The following COL21A1 variants were observed in gnomAD, a reference collection of about 807,000 sequenced individuals.
COL21A1 encodes the protein collagen alpha-1(XXI) chain.
Under a neutral mutation model 137.9 loss-of-function variants are expected in COL21A1, and 149 were observed. The ratio of observed to expected loss-of-function variants is 1.08; its 90% confidence interval spans 0.95 to 1.24. The LOEUF is 1.24. Among genes scored for constraint, COL21A1 ranks in the 50% most tolerant of loss-of-function variants. COL21A1 has a pLI of 0.00. For synonymous variants in COL21A1, 456 were observed against 391.5 expected, an observed-to-expected ratio of 1.16 and a Z score of -1.95; for missense variants, 1,167 against 1,158.4, an observed-to-expected ratio of 1.01 and a Z score of -0.11.
chr6:56,107,871 A>G (rs1013808954), intron 16 of COL21A1, among the ~76,000 whole-genome samples: 10 of 152,150 alleles, frequency 6.6e-5, no homozygotes, highest in African/African-American at 2.4e-4. Context: ...TGAAACAAAG[A>G]TAAAGTGTAA....
chr6:56,311,119 C>T (rs975957678), intron 1 of COL21A1, among the ~76,000 whole-genome samples: 3 of 152,172 alleles, frequency 2.0e-5, no homozygotes, highest in African/African-American at 7.2e-5. Flanking sequence ...TTTCAAAACT[C>T]TTAATATTAG....
chr6:56,302,785 T>C (rs1409680066), intron 1 of COL21A1, among the ~76,000 whole-genome samples: 9 of 151,836 alleles, frequency 5.9e-5, no homozygotes, highest in East Asian at 1.9e-4. Flanking sequence ...TTTGGTGTTT[T>C]AGACATGAAG....
rs71783697 is a variant in COL21A1, at chr6:56,255,334, GGTGTGTGTGTGT to G, written c.-38-72690_-38-72679del. Reference sequence around the variant, plus strand: ...CTAGAGTGATCACTGTTGTTAAGAGGGTGTGTGTGTGTGTGTGTGTGTGTGTGTGTGTGTGTG... The same window carrying G: ...CTAGAGTGATCACTGTTGTTAAGAGGGTGTGTGTGTGTGTGTGTGTGTGTG... On this transcript the variant is annotated intron_variant, in intron 1 of 28. Transcript: ENST00000370819. 8.2e-3 allele frequency among the ~76,000 whole-genome samples: 1,194 copies of G among 145,590 alleles called. 16 individuals are homozygous for G. The highest frequency in any genetic ancestry group is 0.028 in the African/African-American group (1,080 of 38,976).
At chr6:56,098,841 G>A (rs78072505) in intron 17 of COL21A1, among the ~76,000 whole-genome samples, 21,288 of 143,542 alleles carry the variant, frequency 0.15, 1,679 homozygotes, top group Middle Eastern at 0.22. Flanking sequence ...TCAGCCTCCC[G>A]AGTAGCTGGG....
At chr6:56,197,733 A>T (rs1240755944) in intron 1 of COL21A1, among the ~76,000 whole-genome samples, 1 of 152,120 alleles carries the variant, frequency 6.6e-6, no homozygotes, top group Non-Finnish European at 1.5e-5. Flanking sequence ...AGAAAAGGGA[A>T]CACTTGTACA....
At chr6:56,322,966 A>C (rs1462956723) in intron 1 of COL21A1, among the ~76,000 whole-genome samples, 1 of 151,918 alleles carries the variant, frequency 6.6e-6, no homozygotes, top group African/African-American at 2.4e-5. Context: ...GAGCTAAGTA[A>C]TGTGTACACA....
intron 1 of COL21A1, among the ~76,000 whole-genome samples, chr6:56,278,740 A>G (rs1179389725): frequency 6.6e-6 from 1 of 152,178 alleles, no homozygotes; most frequent in African/African-American, 2.4e-5. Context: ...TCCCCATGTC[A>G]CACCGATTGG....
intron 1 of COL21A1, among the ~76,000 whole-genome samples, chr6:56,324,256 TA>T (rs1172438337): frequency 6.6e-6 from 1 of 152,110 alleles, no homozygotes; most frequent in Non-Finnish European, 1.5e-5. Context: ...GTTCTAAGCA[TA>T]ACATGGCACA....
At chr6:56,173,133 A>C (rs1777192588) in intron 3 of COL21A1, among the ~76,000 whole-genome samples, 1 of 152,264 alleles carries the variant, frequency 6.6e-6, no homozygotes, top group Non-Finnish European at 1.5e-5. Context: ...AGATCCAGCT[A>C]TATACTATCT....
intron 1 of COL21A1, among the ~76,000 whole-genome samples, chr6:56,390,033 TACTCTAAC>T (rs1279255437): frequency 6.6e-6 from 1 of 152,198 alleles, no homozygotes; most frequent in African/African-American, 2.4e-5. Flanking sequence ...AAATACAGAA[TACTCTAAC>T]ACTACAATTA....
chr6:56,189,091 G>C (rs1488704121), intron 1 of COL21A1, among the ~76,000 whole-genome samples: 1 of 152,038 alleles, frequency 6.6e-6, no homozygotes, highest in Non-Finnish European at 1.5e-5. Context: ...TCTCCAGCAA[G>C]GGAACAAAAC....
intron 16 of COL21A1, among the ~76,000 whole-genome samples, chr6:56,116,898 A>T (rs1281771133): frequency 6.6e-6 from 1 of 152,006 alleles, no homozygotes; most frequent in Non-Finnish European, 1.5e-5. Context: ...AGTTTAAAAT[A>T]ATGGGTTATA....
At chr6:56,188,215 GA>G (rs2152287648) in intron 1 of COL21A1, among the ~76,000 whole-genome samples, 1 of 152,312 alleles carries the variant, frequency 6.6e-6, no homozygotes, top group South Asian at 2.1e-4. Flanking sequence ...AATCACTTTA[GA>G]GAACTGTTAG....
In COL21A1 at chr6:56,060,773, A is replaced by C; in HGVS notation, c.2375T>G (p.Phe792Cys). The C allele has an allele frequency of 6.2e-7, 1 of 1,610,298 alleles. No individual in the cohort carries two copies. Among genetic ancestry groups the C allele is most frequent in the Non-Finnish European group, 8.5e-7 (1 of 1,178,946 alleles). The change falls in exon 27 of 30, where the codon TTT becomes TGT. Residue 792 changes from phenylalanine to cysteine, a missense_variant. Physicochemically the swap from Phe to Cys is radical, Grantham distance 205. Transcript: ENST00000244728. ...TACATCTGTGCAAACTTGTCGAATA[A>C]ATTGTTCTGAAAACTCTCTTCCCTG... ...GKPGREFSEQ[F>C]IRQVCTDVIR...
In COL21A1 at chr6:56,061,107, C is replaced by T. The variant is rs2114034651; in HGVS notation, c.2206-70G>A. On this transcript the variant is annotated intron_variant, in intron 25 of 29. Transcript: ENST00000244728. ...GGAGGTATAATTGCATCATGAAGCT[C>T]GTTAAGGATGTGAATATGCATGTAT... 3.7e-6 allele frequency: 5 copies of T among 1,338,098 alleles called. 1 individual carries two copies. The South Asian group carries it at 6.3e-5, about 17-fold the overall frequency. The allele number at this position is 1,338,098 out of a possible 1,614,324, so 82.9% of individuals were successfully genotyped here. A position where few individuals can be genotyped will look rare whatever the true frequency, so the allele number is the denominator to read the frequency against.
intron 1 of COL21A1, among the ~76,000 whole-genome samples, chr6:56,320,667 C>T (rs1414281701): frequency 6.6e-6 from 1 of 152,024 alleles, no homozygotes; most frequent in Admixed American, 6.6e-5. Context: ...TTTCTGCTTC[C>T]CCTCCCTAGA....
In COL21A1 at chr6:56,098,722, T is replaced by C. The variant is rs868441578; in HGVS notation, c.1812+2750A>G. 7.0e-5 allele frequency among the ~76,000 whole-genome samples: 8 copies of C among 113,656 alleles called. No individual in the cohort carries two copies. In the South Asian group the frequency reaches 1.2e-3, roughly 17 times the overall value. 74.6% of individuals were successfully genotyped at this position (113,656 alleles called of 152,430 possible). On this transcript the variant is annotated intron_variant, in intron 17 of 29. Coordinates refer to ENST00000244728, the MANE Select transcript of COL21A1 (RefSeq NM_030820.4). ...ATATATATATAAATATATATAAATATATATATATTTTGAGACGGGGTCTTG... is the reference window on the plus strand; with the variant it reads ...ATATATATATAAATATATATAAATACATATATATTTTGAGACGGGGTCTTG...
At chr6:56,111,112 T>G (rs1170426651) in intron 16 of COL21A1, among the ~76,000 whole-genome samples, 2 of 151,020 alleles carry the variant, frequency 1.3e-5, no homozygotes, top group South Asian at 2.1e-4. Context: ...ACATTCTGAT[T>G]TGATAAAAAG....
intron 1 of COL21A1, among the ~76,000 whole-genome samples, chr6:56,262,593 A>T (rs1763304713): frequency 6.6e-6 from 1 of 152,126 alleles, no homozygotes; most frequent in African/African-American, 2.4e-5. Flanking sequence ...TAGATCTAAA[A>T]TTGTATTTTA....
Sources: gnomAD v4.1 joint callset for allele counts (sites outside exome capture counted in the v4.1 genomes callset) on GRCh38, gnomAD v4.1.1 for gene constraint, MANE v1.5 for transcripts, NCBI Gene and HGNC (gene_info 2026-07-23, HGNC 2026-07-21) for gene names.